Variants in ST8SIA5 observed in about 807,000 individuals in gnomAD.
ST8SIA5 encodes ST8 alpha-N-acetyl-neuraminide alpha-2,8-sialyltransferase 5, also known as alpha-2,8-sialyltransferase 8E.
ST8SIA5 carries 24 observed loss-of-function variants against 40.2 expected under a neutral mutation model. The ratio of observed to expected loss-of-function variants is 0.60; its 90% CI spans 0.43 to 0.84. The LOEUF (loss-of-function observed/expected upper bound fraction) is 0.84, where lower values mean the gene tolerates loss of function less well. ST8SIA5 is among the 40% of genes least tolerant of loss of function. The pLI is 0.00. For synonymous variants in ST8SIA5, 198 were observed against 201.8 expected, an observed-to-expected ratio of 0.98 and a Z score of 0.16; for missense variants, 465 against 498.5, an observed-to-expected ratio of 0.93 and a Z score of 0.64.
chr18:46,696,817 T>C (rs540682858), intron 2 of ST8SIA5, among the ~76,000 whole-genome samples: 1 of 152,198 alleles, frequency 6.6e-6, no homozygotes. Context: ...CATAGATGAA[T>C]AGAATGACAG....
intron 2 of ST8SIA5, among the ~76,000 whole-genome samples, chr18:46,703,826 T>G (rs903261695): frequency 6.6e-6 from 1 of 152,248 alleles, no homozygotes. Context: ...ATGGGTTTGC[T>G]GAATTCATGG....
chr18:46,705,929 C>T (rs1424527585), intron 1 of ST8SIA5, among the ~76,000 whole-genome samples: 1 of 152,166 alleles, frequency 6.6e-6, no homozygotes, highest in Admixed American at 6.5e-5. Flanking sequence ...TCGCACGTAC[C>T]CTTACACACT....
At chr18:46,701,738 A>G (rs2039618793) in intron 2 of ST8SIA5, among the ~76,000 whole-genome samples, 1 of 152,254 alleles carries the variant, frequency 6.6e-6, no homozygotes, top group Non-Finnish European at 1.5e-5. Flanking sequence ...TACAGAAAAT[A>G]CATGCATAGA....
intron 1 of ST8SIA5, among the ~76,000 whole-genome samples, chr18:46,749,113 A>T (rs966152104): frequency 2.0e-4 from 30 of 152,226 alleles, no homozygotes; most frequent in African/African-American, 7.0e-4. Flanking sequence ...CACATAGGAC[A>T]ACATAGCATA....
intron 5 of ST8SIA5, among the ~76,000 whole-genome samples, chr18:46,685,005 C>A (rs866293796): frequency 3.9e-4 from 59 of 152,034 alleles, no homozygotes; most frequent in Admixed American, 2.1e-3. Flanking sequence ...GCGCAGTTGC[C>A]GGCACTAACT....
intron 2 of ST8SIA5, among the ~76,000 whole-genome samples, chr18:46,694,175 G>A (rs2039533838): frequency 6.6e-6 from 1 of 152,166 alleles, no homozygotes; most frequent in Non-Finnish European, 1.5e-5. Flanking sequence ...TTATACAATT[G>A]GGCGAGCCCT....
rs914426005 is a variant in ST8SIA5, at chr18:46,674,045, T to A, written c.*5997A>T. 6.6e-6 allele frequency: 1 copy of A among 152,182 alleles called. No individual in the cohort carries two copies. The highest frequency in any genetic ancestry group is 1.5e-5 in the Non-Finnish European group (1 of 68,072). The allele number at this position is 152,182 out of a possible 1,614,324, so 9.4% of individuals were successfully genotyped here. ...TTCCCCTTCGCATCTGGAGCAGACA[T>A]CCTGCAAAGCTCAGCTCACCTGTTT... On this transcript the variant is annotated 3_prime_UTR_variant, in exon 7 of 7. Coordinates refer to ENST00000315087, the MANE Select transcript of ST8SIA5 (RefSeq NM_013305.6).
chr18:46,714,576 A>G (rs1568265231), intron 1 of ST8SIA5, among the ~76,000 whole-genome samples: 1 of 152,130 alleles, frequency 6.6e-6, no homozygotes, highest in Non-Finnish European at 1.5e-5. Context: ...CTCAGTTTAC[A>G]GGAAAGCAGA....
rs1247132438 is a variant in ST8SIA5, at chr18:46,757,038, C to T, written c.-530G>A. On this transcript the variant is annotated 5_prime_UTR_variant, in exon 1 of 7. Transcript: ENST00000315087. The stretch of plus-strand genomic sequence containing the variant: ...GCAGCAAGGGATCGCGAAGGTTGGC[C>T]TCCGGTTCTGCCGATAGGGACGGGG... The T allele has an allele frequency of 6.5e-6, 1 of 153,426 alleles. No homozygotes were observed. Among genetic ancestry groups the T allele is most frequent in the African/African-American group, 2.4e-5 (1 of 41,438 alleles). 9.5% of individuals were successfully genotyped at this position (153,426 alleles called of 1,614,324 possible).
chr18:46,751,182 A>C (rs2040191951), intron 1 of ST8SIA5, among the ~76,000 whole-genome samples: 1 of 152,064 alleles, frequency 6.6e-6, no homozygotes, highest in African/African-American at 2.4e-5. Flanking sequence ...TTCTGTCTTT[A>C]TGAATTTGAC....
At chr18:46,682,129 A>G in intron 5 of ST8SIA5, 65 bp from the exon 6 acceptor site, 2 of 733,042 alleles carry the variant, frequency 2.7e-6, no homozygotes, top group Non-Finnish European at 4.2e-6. Context: ...GGGAGGGTGC[A>G]GGGGGAGGGG....
At position 46,673,283 on chromosome 18, in the gene ST8SIA5, C is replaced by G. The variant is rs763701325; in HGVS notation, c.*6759G>C. The G allele has an allele frequency of 6.6e-6, 1 of 152,088 alleles. No homozygotes were observed. The highest frequency in any genetic ancestry group is 1.5e-5 in the Non-Finnish European group (1 of 68,022). 9.4% of individuals were successfully genotyped at this position (152,088 alleles called of 1,614,324 possible). On this transcript the variant is annotated 3_prime_UTR_variant, in exon 7 of 7. Coordinates refer to ENST00000315087, the MANE Select transcript of ST8SIA5 (RefSeq NM_013305.6). The stretch of plus-strand genomic sequence containing the variant: ...ATCTTTGTTTGTGTTAAAGCAAAAC[C>G]AATTTTGTAAATGTTAGATTCCCGA...
At chr18:46,698,749 A>G (rs2039581711) in intron 2 of ST8SIA5, among the ~76,000 whole-genome samples, 1 of 152,248 alleles carries the variant, frequency 6.6e-6, no homozygotes, top group African/African-American at 2.4e-5. Context: ...CAGAAGGCAG[A>G]GAAAAGAAGC....
At chr18:46,691,259 C>T (rs1337050805) in intron 3 of ST8SIA5, among the ~76,000 whole-genome samples, 1 of 152,218 alleles carries the variant, frequency 6.6e-6, no homozygotes. Flanking sequence ...TTTAAACATT[C>T]GCATTTCTAA....
intron 1 of ST8SIA5, among the ~76,000 whole-genome samples, chr18:46,735,527 A>C (rs2040025240): frequency 6.6e-6 from 1 of 152,204 alleles, no homozygotes; most frequent in Non-Finnish European, 1.5e-5. Flanking sequence ...CAGACTTATA[A>C]ATAAGTGCAT....
intron 1 of ST8SIA5, among the ~76,000 whole-genome samples, chr18:46,748,426 T>C (rs944744899): frequency 2.2e-4 from 34 of 151,492 alleles, no homozygotes; most frequent in Admixed American, 9.9e-4. Flanking sequence ...TAGCCAGGCA[T>C]GATGGTATAT....
chr18:46,749,618 AAAC>A (rs2040176427), intron 1 of ST8SIA5, among the ~76,000 whole-genome samples: 1 of 152,264 alleles, frequency 6.6e-6, no homozygotes, highest in African/African-American at 2.4e-5. Flanking sequence ...AATACACAAA[AAAC>A]AAATTTATTT....
In ST8SIA5 at chr18:46,733,741, G is replaced by A. The variant is rs375371576; in HGVS notation, c.131+22637C>T. Among the ~76,000 whole-genome samples, 64 of 152,322 alleles carry A rather than the reference G, an allele frequency of 4.2e-4. 2 individuals are homozygous for A. The South Asian group carries it at 0.012, about 28-fold the overall frequency. ...ATGAGGGGCCAGCCCAGGTGGATGC[G>A]CTAGGTGAGGACTGTCCCCTGCAGA... On this transcript the variant is annotated intron_variant, in intron 1 of 6. Transcript: ENST00000315087.
At chr18:46,734,150 C>T (rs1049534205) in intron 1 of ST8SIA5, among the ~76,000 whole-genome samples, 6 of 152,026 alleles carry the variant, frequency 3.9e-5, no homozygotes, top group African/African-American at 9.7e-5. Flanking sequence ...GCAGGATGAA[C>T]GGGCGCAATG....
Sources: allele counts gnomAD v4.1 joint callset (sites outside exome capture counted in the v4.1 genomes callset), GRCh38; gene constraint gnomAD v4.1.1; transcripts MANE v1.5; gene names NCBI Gene and HGNC (gene_info 2026-07-23, HGNC 2026-07-21).